Variants in TMEM71 observed in about 807,000 individuals in gnomAD.
TMEM71 encodes the protein transmembrane protein 71.
A neutral mutation model predicts 38.0 loss-of-function variants in TMEM71; 44 were observed. The observed-to-expected ratio is 1.16, with a 90% CI of 0.91 to 1.49. The LOEUF (loss-of-function observed/expected upper bound fraction) is 1.49, where lower values mean the gene tolerates loss of function less well. TMEM71 is among the 40% of genes most tolerant of loss of function. The probability of loss-of-function intolerance (pLI) is 0.00; values close to 1 mark genes in which losing one functional copy is unlikely to be tolerated. For missense variants in TMEM71, 367 were observed against 348.6 expected, an observed-to-expected ratio of 1.05 and a Z score of -0.42; for synonymous variants, 133 against 122.5, an observed-to-expected ratio of 1.09 and a Z score of -0.56.
intron 5 of TMEM71, among the ~76,000 whole-genome samples, chr8:132,743,816 C>T (rs1293758254): frequency 1.3e-5 from 2 of 152,136 alleles, no homozygotes; most frequent in East Asian, 1.9e-4. Context: ...TCAAACCATG[C>T]ATGCTATCTT....
At chr8:132,750,376 C>T (rs939474074) in intron 4 of TMEM71, among the ~76,000 whole-genome samples, 1 of 152,164 alleles carries the variant, frequency 6.6e-6, no homozygotes, top group African/African-American at 2.4e-5. Flanking sequence ...GTTGAATTGA[C>T]CAATGAGATG....
intron 5 of TMEM71, among the ~76,000 whole-genome samples, chr8:132,731,618 G>A (rs1827460181): frequency 6.6e-6 from 1 of 152,122 alleles, no homozygotes; most frequent in African/African-American, 2.4e-5. Context: ...CCTCATCACA[G>A]AGCTGAACAG....
At chr8:132,738,857 TGCAC>T (rs1341444691) in intron 5 of TMEM71, among the ~76,000 whole-genome samples, 1 of 76,812 alleles carries the variant, frequency 1.3e-5, no homozygotes, top group Non-Finnish European at 3.1e-5. Flanking sequence ...TAGTATTACA[TGCAC>T]ACACACACAC....
Position 132,757,223 on chromosome 8 carries a change from C to T in TMEM71, c.101+11G>A, listed in dbSNP as rs368972241. 2.6e-5 allele frequency: 41 copies of T among 1,602,354 alleles called. No individual in the cohort carries two copies. Among genetic ancestry groups the T allele is most frequent in the South Asian group, 6.6e-5 (6 of 90,856 alleles). ...AATGATTATTTTTTTAAAAGAAGCC[C>T]CATAGTATACCTTGGGAAAATGCAC... On this transcript the variant is annotated intron_variant, in intron 3 of 9. Coordinates refer to ENST00000677595, the MANE Select transcript of TMEM71 (RefSeq NM_001382403.1).
rs530927605 is a variant in TMEM71, at chr8:132,758,916, C to T, written c.-36-1G>A. 1 of 1,600,564 alleles carries T rather than the reference C, an allele frequency of 6.2e-7. No individual in the cohort carries two copies. The highest frequency in any genetic ancestry group is 2.2e-5 in the East Asian group (1 of 44,740). On this transcript the variant is annotated splice_acceptor_variant, in intron 1 of 9. Transcript: ENST00000677595. LOFTEE classifies it low-confidence loss of function (5UTR_SPLICE). ...CGCTTGCTCAAACTTCACAGATTCT[C>T]TGCAAAAGATGTTAAAAAAAAGGTG...
upstream of TMEM71, among the ~76,000 whole-genome samples, chr8:132,764,288 T>TTGTGTGTGTGTG (rs5895159): frequency 5.4e-5 from 8 of 149,162 alleles, no homozygotes; most frequent in African/African-American, 1.7e-4. Flanking sequence ...AACTGGGAGG[T>TTGTGTGTGTGTG]TGTGTGTGTG....
chr8:132,772,575 G>A, the TMEM71 span, among the ~76,000 whole-genome samples: 1 of 152,138 alleles, frequency 6.6e-6, no homozygotes, highest in Non-Finnish European at 1.5e-5. Flanking sequence ...TTTTTTGTCA[G>A]TTTTATCAGG....
chr8:132,737,543 G>A (rs1202189551), intron 5 of TMEM71, among the ~76,000 whole-genome samples: 1 of 152,196 alleles, frequency 6.6e-6, no homozygotes, highest in African/African-American at 2.4e-5. Flanking sequence ...CACATGCTCA[G>A]ACTTTTCTCT....
At chr8:132,708,029 A>G (rs1826118177), downstream of TMEM71, among the ~76,000 whole-genome samples, 1 of 152,226 alleles carries the variant, frequency 6.6e-6, no homozygotes. Flanking sequence ...TCAAATATAT[A>G]CATGAAATCA....
At chr8:132,709,931 C>G (rs981993672), downstream of TMEM71, 1 of 152,000 alleles carries the variant, frequency 6.6e-6, no homozygotes, top group African/African-American at 2.4e-5. Flanking sequence ...TATATACACA[C>G]ACACAAATAT....
At chr8:132,755,845 C>T (rs927867460) in intron 3 of TMEM71, among the ~76,000 whole-genome samples, 2 of 152,130 alleles carry the variant, frequency 1.3e-5, no homozygotes, top group African/African-American at 4.8e-5. Flanking sequence ...TCTCTACAAG[C>T]TAAGTATCAT....
intron 5 of TMEM71, among the ~76,000 whole-genome samples, chr8:132,744,195 T>C (rs1586800055): frequency 6.6e-6 from 1 of 152,190 alleles, no homozygotes; most frequent in East Asian, 1.9e-4. Context: ...GCCTGGAAAA[T>C]GGTAAGTGTC....
the TMEM71 span, among the ~76,000 whole-genome samples, chr8:132,769,978 C>T: frequency 6.6e-6 from 1 of 152,212 alleles, no homozygotes; most frequent in Non-Finnish European, 1.5e-5. Context: ...AAAGAATGAT[C>T]ACTAAGAGAG....
At chr8:132,756,411 TTATATA>T (rs55767264) in intron 3 of TMEM71, among the ~76,000 whole-genome samples, 35,981 of 115,620 alleles carry the variant, frequency 0.31, 6,233 homozygotes, top group South Asian at 0.47. Context: ...AACATATATA[TTATATA>T]TATATATATA....
At chr8:132,737,177 G>A (rs950002527) in intron 5 of TMEM71, among the ~76,000 whole-genome samples, 11 of 152,154 alleles carry the variant, frequency 7.2e-5, no homozygotes, top group African/African-American at 2.4e-4. Context: ...GAAAGCAGTC[G>A]TGATTGCATG....
chr8:132,714,074 A>G (rs1826374923), intron 8 of TMEM71, 22 bp from the exon 9 acceptor site: 1 of 1,613,990 alleles, frequency 6.2e-7, no homozygotes, highest in African/African-American at 1.3e-5. Context: ...CAGAGAAAAT[A>G]TTTTAAAATC....
chr8:132,749,549 T>C (rs1828576972), intron 4 of TMEM71, among the ~76,000 whole-genome samples: 1 of 152,174 alleles, frequency 6.6e-6, no homozygotes, highest in Non-Finnish European at 1.5e-5. Flanking sequence ...CTCACATTCT[T>C]TCTACTTTTA....
Position 132,710,076 on chromosome 8 carries a change from A to T in TMEM71, c.*891T>A, listed in dbSNP as rs1420439935. ...CAATTTTCTGCATGTATGAGTTTTT[A>T]CTCAGAGAGTATCACATAGAACAAA... On this transcript the variant is annotated 3_prime_UTR_variant, in exon 10 of 10. Transcript: ENST00000677595. The T allele has an allele frequency of 1.3e-5, 2 of 152,112 alleles. No individual in the cohort carries two copies. Among genetic ancestry groups the T allele is most frequent in the African/African-American group, 4.8e-5 (2 of 41,426 alleles). 9.4% of individuals were successfully genotyped at this position (152,112 alleles called of 1,614,324 possible). A position where few individuals can be genotyped will look rare whatever the true frequency, so the allele number is the denominator to read the frequency against.
At chr8:132,768,200 C>G in the TMEM71 span, among the ~76,000 whole-genome samples, 9 of 152,180 alleles carry the variant, frequency 5.9e-5, no homozygotes, top group African/African-American at 2.2e-4. Context: ...ATTTTGGATG[C>G]TTTGTCCTGC....
Sources: gnomAD v4.1 joint callset for allele counts (sites outside exome capture counted in the v4.1 genomes callset) on GRCh38, gnomAD v4.1.1 for gene constraint, MANE v1.5 for transcripts, NCBI Gene and HGNC (gene_info 2026-07-23, HGNC 2026-07-21) for gene names.